The following PRKCQ variants were observed in gnomAD, a reference collection of about 807,000 sequenced individuals.
The protein encoded by PRKCQ is protein kinase C theta type.
In PRKCQ, 41 loss-of-function variants were observed where a neutral mutation model predicts 91.2. That is an observed-to-expected ratio of 0.45 (90% confidence interval 0.35 to 0.58). The LOEUF (loss-of-function observed/expected upper bound fraction) is 0.58. Among genes scored for constraint, PRKCQ ranks in the 20% least tolerant of loss-of-function variants. The pLI is 0.00. For missense variants in PRKCQ, 673 were observed against 896.5 expected (o/e 0.75, Z 3.18); for synonymous variants, 307 against 316.9 (o/e 0.97, Z 0.33).
At chr10:6,498,296 C>T in intron 5 of PRKCQ, 100 bp downstream of exon 5, 5 of 1,445,684 alleles carry the variant, frequency 3.5e-6, no homozygotes, top group Non-Finnish European at 4.8e-6. Flanking sequence ...GCATTTACTC[C>T]AGCACACCCC....
At chr10:6,543,676 T>A (rs1406756209) in intron 1 of PRKCQ, among the ~76,000 whole-genome samples, 1 of 152,190 alleles carries the variant, frequency 6.6e-6, no homozygotes, top group Non-Finnish European at 1.5e-5. Flanking sequence ...AGCAGGTTGC[T>A]GACAAGGCCC....
chr10:6,402,371 CAAA>C, the PRKCQ span, among the ~76,000 whole-genome samples: 1 of 66,574 alleles, frequency 1.5e-5, no homozygotes, highest in African/African-American at 6.1e-5. Context: ...ATTTCAATGC[CAAA>C]AAAAAAAAAA....
In PRKCQ at chr10:6,462,169, G is replaced by T. The variant is rs568692349; in HGVS notation, c.1508+134C>A. ...AGTCATCATCCATGTAATCATTGTGGGCAGCAGACCTATGTGTGGAGCTTA... is the reference window on the plus strand; with the variant it reads ...AGTCATCATCCATGTAATCATTGTGTGCAGCAGACCTATGTGTGGAGCTTA... On this transcript the variant is annotated intron_variant, in intron 14 of 17. Coordinates refer to ENST00000263125, the MANE Select transcript of PRKCQ (RefSeq NM_006257.5). 27 of 754,720 alleles carry T rather than the reference G, an allele frequency of 3.6e-5. No homozygotes were observed. The Admixed American group carries it at 5.5e-4, about 15-fold the overall frequency. The allele number at this position is 754,720 out of a possible 1,614,324, so 46.8% of individuals were successfully genotyped here. A position where few individuals can be genotyped will look rare whatever the true frequency, so the allele number is the denominator to read the frequency against.
At chr10:6,560,367 C>G (rs1193055421) in intron 1 of PRKCQ, among the ~76,000 whole-genome samples, 1 of 152,124 alleles carries the variant, frequency 6.6e-6, no homozygotes, top group African/African-American at 2.4e-5. Flanking sequence ...TGCTGGGAAG[C>G]CTACTGGAAG....
intron 7 of PRKCQ, among the ~76,000 whole-genome samples, chr10:6,495,503 T>C (rs10906712): frequency 0.1 from 15,303 of 152,290 alleles, 1,080 homozygotes; most frequent in Admixed American, 0.18. Flanking sequence ...GTTGGGGAGA[T>C]TCCCGGACCA....
the PRKCQ span, among the ~76,000 whole-genome samples, chr10:6,395,888 T>C: frequency 2.0e-5 from 3 of 152,152 alleles, no homozygotes; most frequent in Admixed American, 6.5e-5. Context: ...AACCTTTTCC[T>C]TCTCTGCTCC....
chr10:6,440,883 G>A (rs555831845), intron 16 of PRKCQ, among the ~76,000 whole-genome samples: 2 of 152,274 alleles, frequency 1.3e-5, no homozygotes, highest in African/African-American at 4.8e-5. Context: ...AGCTACTCAG[G>A]AGGCTGAGGC....
chr10:6,545,257 A>G (rs769891538), intron 1 of PRKCQ, among the ~76,000 whole-genome samples: 1 of 152,248 alleles, frequency 6.6e-6, no homozygotes, highest in African/African-American at 2.4e-5. Flanking sequence ...AATTTTTATC[A>G]TGGCTCAAAG....
At chr10:6,498,148 G>A (rs557882429) in intron 5 of PRKCQ, among the ~76,000 whole-genome samples, 59 of 150,972 alleles carry the variant, frequency 3.9e-4, no homozygotes, top group East Asian at 7.8e-4. Flanking sequence ...ACCCCCAATA[G>A]CCCCCCCATT....
chr10:6,492,489 G>A (rs879507748), intron 7 of PRKCQ, among the ~76,000 whole-genome samples: 4 of 152,036 alleles, frequency 2.6e-5, no homozygotes, highest in Non-Finnish European at 4.4e-5. Flanking sequence ...TTTGACAGAC[G>A]AGGAAATGAA....
At chr10:6,449,147 G>A (rs1289430420) in intron 15 of PRKCQ, among the ~76,000 whole-genome samples, 1 of 151,908 alleles carries the variant, frequency 6.6e-6, no homozygotes, top group Non-Finnish European at 1.5e-5. Flanking sequence ...GCTACAGGAG[G>A]AAATTCAAAC....
Position 6,428,122 on chromosome 10 carries a change from A to AGTT in PRKCQ, c.*82_*84dup. Reference sequence around the variant, plus strand: ...TGTTGAGTGTTTCTTTCTTTTTCCAAGTTGAAAAAGGAACCCAAGCAGTGT... The same window carrying AGTT: ...TGTTGAGTGTTTCTTTCTTTTTCCAAGTTGTTGAAAAAGGAACCCAAGCAGTGT... On this transcript the variant is annotated 3_prime_UTR_variant, in exon 18 of 18. Transcript: ENST00000263125. The AGTT allele has an allele frequency of 6.5e-7, 1 of 1,527,956 alleles. No individual in the cohort carries two copies. The highest frequency in any genetic ancestry group is 9.0e-7 in the Non-Finnish European group (1 of 1,115,110). The allele number at this position is 1,527,956 out of a possible 1,614,324, so 94.6% of individuals were successfully genotyped here.
chr10:6,556,020 A>AAAC (rs201366518), intron 1 of PRKCQ, among the ~76,000 whole-genome samples: 1 of 152,264 alleles, frequency 6.6e-6, no homozygotes, highest in South Asian at 2.1e-4. Flanking sequence ...AAAAACCAAC[A>AAAC]AACAACAACA....
intron 15 of PRKCQ, among the ~76,000 whole-genome samples, chr10:6,449,414 C>T (rs572519430): frequency 0.035 from 5,319 of 152,080 alleles, 138 homozygotes; most frequent in Non-Finnish European, 0.052. Flanking sequence ...ACAAAGCCTC[C>T]AAGAAATATG....
chr10:6,462,512 TG>T, intron 13 of PRKCQ, 147 bp from the exon 14 acceptor site: 1 of 668,888 alleles, frequency 1.5e-6, no homozygotes, highest in South Asian at 1.9e-5. Flanking sequence ...AGGAAGATGT[TG>T]TCCATTCATT....
intron 1 of PRKCQ, among the ~76,000 whole-genome samples, chr10:6,573,810 C>T (rs1189162982): frequency 6.6e-6 from 1 of 152,208 alleles, no homozygotes; most frequent in South Asian, 2.1e-4. Context: ...TCAGCTAACA[C>T]TCCAGTTAAA....
At chr10:6,489,029 C>T (rs567271810) in intron 8 of PRKCQ, among the ~76,000 whole-genome samples, 7 of 152,282 alleles carry the variant, frequency 4.6e-5, no homozygotes, top group South Asian at 4.1e-4. Context: ...GCCATCCTTC[C>T]GCATTGCCCT....
chr10:6,451,475 C>T (rs1332366011), intron 15 of PRKCQ, among the ~76,000 whole-genome samples: 1 of 152,162 alleles, frequency 6.6e-6, no homozygotes, highest in East Asian at 1.9e-4. Flanking sequence ...CAGATGGATC[C>T]ACAGCCGAAT....
At chr10:6,426,053 G>A (rs1431018695), downstream of PRKCQ, among the ~76,000 whole-genome samples, 3 of 152,162 alleles carry the variant, frequency 2.0e-5, no homozygotes, top group East Asian at 1.9e-4. Context: ...GGCCTGCAGC[G>A]AGTGGAATCC....
Sources: allele counts gnomAD v4.1 joint callset (sites outside exome capture counted in the v4.1 genomes callset), GRCh38; gene constraint gnomAD v4.1.1; transcripts MANE v1.5; gene names NCBI Gene and HGNC (gene_info 2026-07-23, HGNC 2026-07-21).